CDH13: variants seen among roughly 807,000 people sequenced by gnomAD.
The protein encoded by CDH13 is cadherin-13.
A neutral mutation model predicts 63.8 loss-of-function variants in CDH13; 24 were observed. The ratio of observed to expected loss-of-function variants is 0.38; its 90% CI spans 0.27 to 0.53. The LOEUF is 0.53. Ranked by LOEUF, CDH13 falls within the 20% of genes least tolerant of loss-of-function variation. The pLI is 0.85. For missense variants in CDH13, 1,049 were observed against 903.1 expected, an observed-to-expected ratio of 1.16 and a Z score of -2.07; for synonymous variants, 503 against 355.3, an observed-to-expected ratio of 1.42 and a Z score of -4.67.
intron 5 of CDH13, among the ~76,000 whole-genome samples, chr16:83,232,568 G>T (rs78802292): frequency 1.4e-5 from 2 of 142,006 alleles, no homozygotes; most frequent in East Asian, 2.1e-4. Context: ...AAAAAAAAAA[G>T]TGTGGCACCT....
At chr16:83,089,465 C>T (rs760785359) in intron 3 of CDH13, among the ~76,000 whole-genome samples, 1 of 152,234 alleles carries the variant, frequency 6.6e-6, no homozygotes, top group African/African-American at 2.4e-5. Flanking sequence ...CTTTCATGCA[C>T]CTGCCTTGCA....
chr16:82,732,608 T>C (rs1324386960), intron 1 of CDH13, among the ~76,000 whole-genome samples: 1 of 152,212 alleles, frequency 6.6e-6, no homozygotes, highest in Non-Finnish European at 1.5e-5. Context: ...GCTCAAGAAA[T>C]GAGTGGCCAG....
At chr16:83,747,170 G>T (rs376198182) in intron 10 of CDH13, among the ~76,000 whole-genome samples, 1 of 152,132 alleles carries the variant, frequency 6.6e-6, no homozygotes, top group African/African-American at 2.4e-5. Context: ...TCTTGCCCTC[G>T]CGTAACCTAC....
intron 2 of CDH13, among the ~76,000 whole-genome samples, chr16:82,893,946 T>G (rs1280934366): frequency 6.6e-6 from 1 of 152,140 alleles, no homozygotes; most frequent in Non-Finnish European, 1.5e-5. Flanking sequence ...CCCACATGTT[T>G]TCCTGCTCTA....
At chr16:83,683,429 A>G (rs573086128) in intron 10 of CDH13, among the ~76,000 whole-genome samples, 3 of 152,318 alleles carry the variant, frequency 2.0e-5, no homozygotes, top group East Asian at 3.9e-4. Flanking sequence ...GTCTCCCTCA[A>G]TCACGTATGT....
rs772950444 is a variant in CDH13, at chr16:83,678,309, C to A, written c.1386C>A (p.Ala462=). The change falls in exon 10 of 14, where the codon GCC becomes GCA. Residue 462 remains alanine (A), a synonymous_variant. Coordinates refer to ENST00000567109, the MANE Select transcript of CDH13 (RefSeq NM_001257.5). ...TCTCCTACGGCCCCAGCTCCACAGC[C>A]ACCGTCCACATCACTGTCCTGGATG... The part of the protein sequence containing the change: ...PDVSYGPSST[A]TVHITVLDVN... 1.1e-5 allele frequency: 17 copies of A among 1,613,888 alleles called. No homozygotes were observed. The East Asian group carries it at 3.6e-4, about 34-fold the overall frequency.
intron 1 of CDH13, among the ~76,000 whole-genome samples, chr16:82,830,485 G>T (rs1024785962): frequency 6.6e-6 from 1 of 152,178 alleles, no homozygotes; most frequent in African/African-American, 2.4e-5. Context: ...TTGAACAAAT[G>T]GGGAGTGATA....
chr16:82,853,749 C>A (rs917791679), intron 1 of CDH13, among the ~76,000 whole-genome samples: 3 of 152,194 alleles, frequency 2.0e-5, no homozygotes, highest in African/African-American at 4.8e-5. Context: ...GGTTACCTCT[C>A]ATTTCTTAGG....
At chr16:83,682,619 G>A (rs1915499593) in intron 10 of CDH13, among the ~76,000 whole-genome samples, 1 of 152,028 alleles carries the variant, frequency 6.6e-6, no homozygotes, top group Non-Finnish European at 1.5e-5. Flanking sequence ...CGAGAACACG[G>A]TCACTTCCTT....
chr16:83,250,088 A>G (rs573223276), intron 5 of CDH13, among the ~76,000 whole-genome samples: 12 of 152,274 alleles, frequency 7.9e-5, no homozygotes, highest in African/African-American at 2.4e-4. Flanking sequence ...TAGCCAAATG[A>G]CCATACCCAT....
intron 2 of CDH13, among the ~76,000 whole-genome samples, chr16:83,014,371 C>A (rs1031364513): frequency 1.4e-5 from 2 of 146,544 alleles, no homozygotes; most frequent in African/African-American, 2.5e-5. Context: ...TTTTAACTGA[C>A]GTTTCATTTG....
At chr16:82,775,654 T>G (rs552382025) in intron 1 of CDH13, among the ~76,000 whole-genome samples, 3 of 152,308 alleles carry the variant, frequency 2.0e-5, no homozygotes, top group South Asian at 4.1e-4. Flanking sequence ...AACTGCTAAG[T>G]GGTAGAGCAA....
At chr16:83,786,958 A>T (rs964966205) in intron 13 of CDH13, among the ~76,000 whole-genome samples, 1 of 152,138 alleles carries the variant, frequency 6.6e-6, no homozygotes, top group Non-Finnish European at 1.5e-5. Flanking sequence ...TTCTCTGCCC[A>T]ATTTTATTTT....
At chr16:82,968,672 A>G (rs1225992694) in intron 2 of CDH13, among the ~76,000 whole-genome samples, 1 of 152,242 alleles carries the variant, frequency 6.6e-6, no homozygotes, top group African/African-American at 2.4e-5. Flanking sequence ...CCACCCAGGC[A>G]GGATGAATTA....
intron 1 of CDH13, among the ~76,000 whole-genome samples, chr16:82,676,062 T>C (rs1913864511): frequency 1.3e-5 from 2 of 152,256 alleles, no homozygotes; most frequent in African/African-American, 4.8e-5. Flanking sequence ...CCCCAGTCTG[T>C]GCCTGGCAAC....
chr16:83,788,060 C>A (rs7196015), intron 13 of CDH13, among the ~76,000 whole-genome samples: 4,118 of 152,302 alleles, frequency 0.027, 93 homozygotes, highest in Non-Finnish European at 0.038. Flanking sequence ...AGTGGGAATG[C>A]ATATACACAC....
At position 83,798,033 on chromosome 16, in the gene CDH13, G is replaced by A. The variant is rs529218609; in HGVS notation, c.*3003G>A. 7.9e-5 allele frequency: 12 copies of A among 152,208 alleles called. No individual in the cohort carries two copies. The highest frequency in any genetic ancestry group is 4.6e-4 in the Admixed American group (7 of 15,284). The allele number at this position is 152,208 out of a possible 1,614,324, so 9.4% of individuals were successfully genotyped here. On this transcript the variant is annotated 3_prime_UTR_variant, in exon 14 of 14. Coordinates refer to ENST00000567109, the MANE Select transcript of CDH13 (RefSeq NM_001257.5). ...CACCAGCAAATCTAAGCATTATAACGAAATAAATCCAGCCAGATTTCATGG... is the reference window on the plus strand; with the variant it reads ...CACCAGCAAATCTAAGCATTATAACAAAATAAATCCAGCCAGATTTCATGG...
At chr16:82,827,495 T>A (rs1459542898) in intron 1 of CDH13, among the ~76,000 whole-genome samples, 1 of 152,158 alleles carries the variant, frequency 6.6e-6, no homozygotes, top group African/African-American at 2.4e-5. Flanking sequence ...GATGTGAGTC[T>A]TGGGCTCTGT....
At chr16:82,822,514 A>T (rs2151097508) in intron 1 of CDH13, among the ~76,000 whole-genome samples, 1 of 152,210 alleles carries the variant, frequency 6.6e-6, no homozygotes, top group East Asian at 1.9e-4. Flanking sequence ...TTTTCTTTGT[A>T]TAAACAGGGT....
Sources: gnomAD v4.1 joint callset for allele counts (sites outside exome capture counted in the v4.1 genomes callset) on GRCh38, gnomAD v4.1.1 for gene constraint, MANE v1.5 for transcripts, NCBI Gene and HGNC (gene_info 2026-07-23, HGNC 2026-07-21) for gene names.